Variants in NOXRED1 observed in about 807,000 individuals in gnomAD.
The protein encoded by NOXRED1 is NADP dependent oxidoreductase domain containing 1.
Under a neutral mutation model 30.4 loss-of-function variants are expected in NOXRED1, and 20 were observed. The observed-to-expected ratio is 0.66, with a 90% CI of 0.46 to 0.96. The LOEUF (loss-of-function observed/expected upper bound fraction) is 0.96, where lower values mean the gene tolerates loss of function less well. Ranked by LOEUF, NOXRED1 falls within the 40% of genes least tolerant of loss-of-function variation. NOXRED1 has a pLI of 0.00. For missense variants in NOXRED1, 374 were observed against 428.0 expected (o/e 0.87, Z 1.11); for synonymous variants, 155 against 168.0 (o/e 0.92, Z 0.60).
chr14:77,406,590 T>TACACACACACAC (rs56942412), intron 4 of NOXRED1, 134 bp downstream of exon 4: 2 of 675,722 alleles, frequency 3.0e-6, no homozygotes, highest in African/African-American at 3.8e-5. Flanking sequence ...CCTTGTGCCT[T>TACACACACACAC]ACACACACAC....
intron 2 of NOXRED1, 105 bp downstream of exon 2, chr14:77,413,829 C>G (rs985476329): frequency 1.4e-5 from 10 of 705,316 alleles, no homozygotes; most frequent in Non-Finnish European, 2.2e-5. Context: ...GAGAACTCCA[C>G]ACGCTGTATG....
chr14:77,415,587 T>C (rs1053191147), intron 1 of NOXRED1, among the ~76,000 whole-genome samples: 5 of 89,828 alleles, frequency 5.6e-5, no homozygotes, highest in African/African-American at 2.4e-4. Context: ...AAAATACATA[T>C]AGATAGATAG....
chr14:77,417,523 ATTCT>A (rs1485640579), intron 1 of NOXRED1, among the ~76,000 whole-genome samples: 1 of 152,214 alleles, frequency 6.6e-6, no homozygotes, highest in African/African-American at 2.4e-5. Flanking sequence ...TCATCATGTC[ATTCT>A]TTGTCTCTCA....
chr14:77,409,262 G>A (rs761806983), intron 2 of NOXRED1, among the ~76,000 whole-genome samples: 11 of 152,114 alleles, frequency 7.2e-5, no homozygotes, highest in South Asian at 2.1e-4. Flanking sequence ...TACTCCCCAC[G>A]TGTTGAGGGA....
chr14:77,400,609 C>T (rs1015745142), intron 5 of NOXRED1, among the ~76,000 whole-genome samples: 4 of 152,090 alleles, frequency 2.6e-5, no homozygotes, highest in East Asian at 1.9e-4. Context: ...AAGAGACAAA[C>T]GGTTTTATTC....
In NOXRED1 at chr14:77,398,490, G is replaced by A. The variant is rs370855527; in HGVS notation, c.906-3685C>T. 1.2e-4 allele frequency among the ~76,000 whole-genome samples: 18 copies of A among 152,074 alleles called. No individual in the cohort carries two copies. The East Asian group carries it at 1.7e-3, about 15-fold the overall frequency. On this transcript the variant is annotated intron_variant, in intron 5 of 5. Coordinates refer to ENST00000380835, the MANE Select transcript of NOXRED1 (RefSeq NM_001113475.3). ...GTTCCAGTCAGGTCTACCCTTCCAC[G>A]TGGAAGGAGGAATGGGCTCCTCAAC...
intron 5 of NOXRED1, among the ~76,000 whole-genome samples, chr14:77,396,151 A>G (rs1249938750): frequency 6.6e-6 from 1 of 152,214 alleles, no homozygotes; most frequent in African/African-American, 2.4e-5. Flanking sequence ...ATAAGGCAAG[A>G]AAAGGAAATT....
Position 77,394,515 on chromosome 14 carries a change from A to G in NOXRED1, c.*116T>C, listed in dbSNP as rs1894128940. The G allele has an allele frequency of 1.4e-6, 1 of 694,352 alleles. No homozygotes were observed. The highest frequency in any genetic ancestry group is 2.4e-6 in the Non-Finnish European group (1 of 408,766). The allele number at this position is 694,352 out of a possible 1,614,324, so 43.0% of individuals were successfully genotyped here. On this transcript the variant is annotated 3_prime_UTR_variant, in exon 6 of 6. Coordinates refer to ENST00000380835, the MANE Select transcript of NOXRED1 (RefSeq NM_001113475.3). ...TACAGTTTTATAATTCCTGATGTCT[A>G]TCATGTGGCAAACACAATACAGCCA...
upstream of NOXRED1, among the ~76,000 whole-genome samples, chr14:77,425,915 C>A (rs1895110693): frequency 1.3e-5 from 2 of 152,264 alleles, no homozygotes; most frequent in South Asian, 2.1e-4. Context: ...ACTCCACAGT[C>A]ACAGGAGCAC....
chr14:77,416,431 C>T (rs1894823035), intron 1 of NOXRED1, among the ~76,000 whole-genome samples: 1 of 152,152 alleles, frequency 6.6e-6, no homozygotes, highest in South Asian at 2.1e-4. Flanking sequence ...CTTCAAGCAT[C>T]TGTTTAACAA....
intron 1 of NOXRED1, among the ~76,000 whole-genome samples, chr14:77,420,054 G>C (rs1894947228): frequency 6.6e-6 from 1 of 152,062 alleles, no homozygotes; most frequent in Admixed American, 6.6e-5. Context: ...CTTCAAATAA[G>C]CTCTTTGCAC....
In NOXRED1 at chr14:77,413,954, G is replaced by T; in HGVS notation, c.329C>A (p.Thr110Asn). 2 of 1,594,448 alleles carry T rather than the reference G, an allele frequency of 1.3e-6. No individual in the cohort carries two copies. Among genetic ancestry groups the T allele is most frequent in the Non-Finnish European group, 1.7e-6 (2 of 1,166,062 alleles). The change falls in exon 2 of 6, where the codon ACT becomes AAT. Residue 110 changes from threonine to asparagine, a missense_variant. Coordinates refer to ENST00000380835, the MANE Select transcript of NOXRED1 (RefSeq NM_001113475.3). ...PIPAESLRIS[T>N]RRPETLGELQ... ...CTCACCCAGAGTCTCTGGCCTCCGA[G>T]TGGAGATCCGCAGGCTTTCAGCAGG...
intron 2 of NOXRED1, 125 bp downstream of exon 2, chr14:77,413,809 C>T (rs1894728211): frequency 1.7e-6 from 1 of 576,470 alleles, no homozygotes; most frequent in Non-Finnish European, 2.9e-6. Context: ...TTTCTTAGGG[C>T]TAGCAAGCTG....
intron 1 of NOXRED1, among the ~76,000 whole-genome samples, chr14:77,415,631 T>TAGACAGACAGACAGAC (rs543991068): frequency 1.3e-4 from 18 of 141,394 alleles, no homozygotes; most frequent in South Asian, 2.3e-4. Flanking sequence ...GATAGATAGA[T>TAGACAGACAGACAGAC]AGACAGACAG....
chr14:77,425,663 T>C (rs191819495), upstream of NOXRED1, among the ~76,000 whole-genome samples: 319 of 152,358 alleles, frequency 2.1e-3, 3 homozygotes, highest in African/African-American at 7.2e-3. Flanking sequence ...GTTGCTAACA[T>C]GTGGGCAGGA....
At chr14:77,395,638 C>A (rs113196938) in intron 5 of NOXRED1, among the ~76,000 whole-genome samples, 7,298 of 151,036 alleles carry the variant, frequency 0.048, 576 homozygotes, top group African/African-American at 0.17. Context: ...CTCATCTGTA[C>A]AAATTAAAAA....
intron 1 of NOXRED1, among the ~76,000 whole-genome samples, chr14:77,419,622 G>C (rs948345006): frequency 6.6e-6 from 1 of 151,286 alleles, no homozygotes; most frequent in Non-Finnish European, 1.5e-5. Context: ...CTAATTTTTT[G>C]TATTTTTAGT....
rs746505121 is a variant in NOXRED1 at position 77,413,932 on chromosome 14, AC to A, written c.349+1del. ...CCCTTTCTACCACACACTGCTCCTC[AC>A]CCAGAGTCTCTGGCCTCCGAGTGGA... On this transcript the variant is annotated splice_donor_variant, in intron 2 of 5. Transcript: ENST00000380835. LOFTEE classifies it high-confidence loss of function. The A allele has an allele frequency of 6.3e-7, 1 of 1,578,076 alleles. No homozygotes were observed. The highest frequency in any genetic ancestry group is 1.3e-5 in the African/African-American group (1 of 74,108).
At chr14:77,398,362 C>G (rs535821916) in intron 5 of NOXRED1, among the ~76,000 whole-genome samples, 1 of 152,312 alleles carries the variant, frequency 6.6e-6, no homozygotes, top group East Asian at 1.9e-4. Flanking sequence ...GCAGAGCATT[C>G]TGTTCTTAGC....
Sources: gnomAD v4.1 joint callset for allele counts (sites outside exome capture counted in the v4.1 genomes callset) on GRCh38, gnomAD v4.1.1 for gene constraint, MANE v1.5 for transcripts, NCBI Gene and HGNC (gene_info 2026-07-23, HGNC 2026-07-21) for gene names.